Variants in PRKG1 observed in about 807,000 individuals in gnomAD.
PRKG1 encodes protein kinase cGMP-dependent 1.
In PRKG1, 35 loss-of-function variants were observed where a neutral mutation model predicts 88.1. That is an observed-to-expected ratio of 0.40 (90% CI 0.30 to 0.53). The LOEUF (loss-of-function observed/expected upper bound fraction) is 0.53, where lower values mean the gene tolerates loss of function less well. PRKG1 is among the 20% of genes least tolerant of loss of function. The pLI, the probability that PRKG1 is intolerant of heterozygous loss-of-function variation, is 0.59. For missense variants in PRKG1, 540 were observed against 839.8 expected (o/e 0.64, Z 4.41); for synonymous variants, 303 against 292.5 (o/e 1.04, Z -0.37).
chr10:51,844,211 G>A (rs1436244929), intron 4 of PRKG1, among the ~76,000 whole-genome samples: 1 of 152,126 alleles, frequency 6.6e-6, no homozygotes, highest in Admixed American at 6.6e-5. Flanking sequence ...TAATTCTAAT[G>A]ATAGGTTTCT....
intron 3 of PRKG1, among the ~76,000 whole-genome samples, chr10:51,631,978 G>T (rs56040842): frequency 0.031 from 4,701 of 152,278 alleles, 117 homozygotes; most frequent in Non-Finnish European, 0.045. Flanking sequence ...ATCCCAGATT[G>T]CAGTAACATC....
At chr10:52,243,837 C>T (rs1044399373) in intron 9 of PRKG1, among the ~76,000 whole-genome samples, 16 of 151,998 alleles carry the variant, frequency 1.1e-4, no homozygotes, top group African/African-American at 1.9e-4. Context: ...AGCAGATATA[C>T]GAAATGCAAT....
intron 1 of PRKG1, among the ~76,000 whole-genome samples, chr10:51,029,386 T>C (rs1412926511): frequency 4.6e-5 from 7 of 152,204 alleles, no homozygotes; most frequent in African/African-American, 4.8e-5. Flanking sequence ...TGGTTTATAT[T>C]TGAGAAAGGT....
intron 2 of PRKG1, among the ~76,000 whole-genome samples, chr10:51,263,230 G>C (rs1422503649): frequency 6.6e-6 from 1 of 152,160 alleles, no homozygotes; most frequent in African/African-American, 2.4e-5. Context: ...CCTCATTGAT[G>C]CCAATTTCCT....
chr10:51,391,556 A>G (rs181935288), intron 2 of PRKG1, among the ~76,000 whole-genome samples: 114 of 152,362 alleles, frequency 7.5e-4, no homozygotes, highest in African/African-American at 2.7e-3. Context: ...TTATCACTAA[A>G]GTACATTATC....
intron 3 of PRKG1, among the ~76,000 whole-genome samples, chr10:51,804,098 A>G (rs1362416620): frequency 6.6e-6 from 1 of 152,150 alleles, no homozygotes; most frequent in Non-Finnish European, 1.5e-5. Context: ...TCATTGTGTA[A>G]CTATTATTTC....
intron 1 of PRKG1, among the ~76,000 whole-genome samples, chr10:51,090,729 CA>C (rs1844379448): frequency 6.6e-6 from 1 of 152,136 alleles, no homozygotes; most frequent in African/African-American, 2.4e-5. Flanking sequence ...TTAACATTTG[CA>C]GCCACTATAT....
At chr10:51,917,725 T>C (rs982496941) in intron 5 of PRKG1, among the ~76,000 whole-genome samples, 12 of 152,218 alleles carry the variant, frequency 7.9e-5, no homozygotes, top group African/African-American at 2.7e-4. Flanking sequence ...GGTTGAACAA[T>C]ATTAACTTTT....
intron 9 of PRKG1, among the ~76,000 whole-genome samples, chr10:52,170,567 C>G (rs1342465069): frequency 6.6e-6 from 1 of 152,140 alleles, no homozygotes; most frequent in African/African-American, 2.4e-5. Context: ...TCCACTCCAT[C>G]GACACTCTGC....
At chr10:51,302,240 A>G (rs910339376) in intron 2 of PRKG1, among the ~76,000 whole-genome samples, 3 of 152,228 alleles carry the variant, frequency 2.0e-5, no homozygotes, top group African/African-American at 7.2e-5. Context: ...TGTCTTCCAG[A>G]GACGTTTAAA....
rs1564483682 is a variant in PRKG1 at position 52,133,918 on chromosome 10, T to C, written c.1001+13T>C. Reference sequence around the variant, plus strand: ...TGATTGACAGAGAGTAAGTACATTGTTTTATTATGTGAATTACACACTCAT... The same window carrying C: ...TGATTGACAGAGAGTAAGTACATTGCTTTATTATGTGAATTACACACTCAT... On this transcript the variant is annotated intron_variant, in intron 8 of 17. Transcript: ENST00000373980. 1.9e-6 allele frequency: 3 copies of C among 1,605,932 alleles called. No homozygotes were observed. The highest frequency in any genetic ancestry group is 2.6e-6 in the Non-Finnish European group (3 of 1,173,274).
intron 5 of PRKG1, among the ~76,000 whole-genome samples, chr10:51,939,118 C>T (rs981726181): frequency 2.0e-5 from 3 of 151,938 alleles, no homozygotes; most frequent in Admixed American, 1.3e-4. Flanking sequence ...CTGTTTTGAC[C>T]ACTTCAGCTA....
intron 2 of PRKG1, among the ~76,000 whole-genome samples, chr10:51,156,314 A>ACACACACACACACACACAC (rs60689292): frequency 0.15 from 22,657 of 146,634 alleles, 2,168 homozygotes; most frequent in African/African-American, 0.19. Flanking sequence ...CACACACACA[A>ACACACACACACACACACAC]ACACACACAC....
intron 5 of PRKG1, among the ~76,000 whole-genome samples, chr10:52,042,917 A>T (rs1845783894): frequency 6.6e-6 from 1 of 152,142 alleles, no homozygotes; most frequent in South Asian, 2.1e-4. Context: ...TGGGCTAAAG[A>T]TCTAAATAGT....
chr10:51,725,403 G>T (rs1589234895), intron 3 of PRKG1, among the ~76,000 whole-genome samples: 1 of 151,626 alleles, frequency 6.6e-6, no homozygotes, highest in South Asian at 2.1e-4. Context: ...AAATAATTAT[G>T]TGCATGGTAG....
intron 3 of PRKG1, among the ~76,000 whole-genome samples, chr10:51,774,866 G>A (rs1838394389): frequency 6.6e-6 from 1 of 152,008 alleles, no homozygotes; most frequent in African/African-American, 2.4e-5. Context: ...ATGTGCAAAT[G>A]GAAGTATACA....
Position 51,920,062 on chromosome 10 carries a change from C to G in PRKG1, c.762+12492C>G, listed in dbSNP as rs1040608273. Among the ~76,000 whole-genome samples, 3 of 152,132 alleles carry G rather than the reference C, an allele frequency of 2.0e-5. No homozygotes were observed. The East Asian group carries it at 5.8e-4, about 29-fold the overall frequency. Reference sequence around the variant, plus strand: ...AACTAGATTAAAAATGCATCAAGGACAGGGAGCATGCCTTCTGAAATACAA... The same window carrying G: ...AACTAGATTAAAAATGCATCAAGGAGAGGGAGCATGCCTTCTGAAATACAA... On this transcript the variant is annotated intron_variant, in intron 5 of 17. Transcript: ENST00000373980.
At chr10:51,845,126 T>A (rs1840366801) in intron 4 of PRKG1, among the ~76,000 whole-genome samples, 1 of 152,132 alleles carries the variant, frequency 6.6e-6, no homozygotes. Flanking sequence ...TCTCAGTATA[T>A]CCTTTTTGTG....
chr10:51,038,236 C>T (rs1265246581), intron 1 of PRKG1, among the ~76,000 whole-genome samples: 2 of 152,148 alleles, frequency 1.3e-5, no homozygotes, highest in African/African-American at 4.8e-5. Flanking sequence ...GGATGAGATA[C>T]GTTGATACAA....
Sources: allele counts gnomAD v4.1 joint callset (sites outside exome capture counted in the v4.1 genomes callset), GRCh38; gene constraint gnomAD v4.1.1; transcripts MANE v1.5; gene names NCBI Gene and HGNC (gene_info 2026-07-23, HGNC 2026-07-21).